MMS22L: variants seen among roughly 807,000 people sequenced by gnomAD.
MMS22L encodes protein MMS22-like.
In MMS22L, 74 loss-of-function variants were observed where a neutral mutation model predicts 159.1. The ratio of observed to expected loss-of-function variants is 0.47; its 90% confidence interval spans 0.39 to 0.56. The LOEUF is 0.56. MMS22L is among the 20% of genes least tolerant of loss of function. The pLI, the probability that MMS22L is intolerant of heterozygous loss-of-function variation, is 0.00. For synonymous variants in MMS22L, 517 were observed against 506.9 expected (o/e 1.02, Z -0.27); for missense variants, 1,351 against 1,422.1 (o/e 0.95, Z 0.80).
intron 14 of MMS22L, among the ~76,000 whole-genome samples, chr6:97,195,281 CA>C (rs1806370513): frequency 6.6e-6 from 1 of 152,094 alleles, no homozygotes; most frequent in Non-Finnish European, 1.5e-5. Flanking sequence ...GGCTGAAGCA[CA>C]ATGGGTGACA....
At chr6:97,231,750 T>C (rs1810898037) in intron 12 of MMS22L, 98 bp from the exon 13 acceptor site, 6 of 793,252 alleles carry the variant, frequency 7.6e-6, no homozygotes, top group African/African-American at 1.8e-5. Flanking sequence ...ATCAAAAGTC[T>C]GACTCATCTT....
At chr6:97,235,242 G>C (rs1236468740) in intron 11 of MMS22L, among the ~76,000 whole-genome samples, 3 of 152,122 alleles carry the variant, frequency 2.0e-5, no homozygotes, top group Admixed American at 2.0e-4. Flanking sequence ...ATGAAAGAAA[G>C]AAGTTTCAGG....
chr6:97,152,820 T>TA (rs397729582), intron 22 of MMS22L, among the ~76,000 whole-genome samples: 3,425 of 149,924 alleles, frequency 0.023, 105 homozygotes, highest in African/African-American at 0.068. Flanking sequence ...TTTTTTTTTT[T>TA]AAAAAAAATG....
chr6:97,267,941 G>A lies in MMS22L; in HGVS notation c.759C>T (p.Ser253=), dbSNP rs1040088419. The part of the protein sequence containing the change: ...NLASDNLTNI[S]LFEEHCETLL... ...GAGTTTCACAATGTTCTTCAAATAG[G>A]CTGATGTTGGTTAAATTGTCACTTG... The change falls in exon 8 of 25, where the codon AGC becomes AGT. Residue 253 remains serine (S), a synonymous_variant. Transcript: ENST00000683635. 5 of 1,608,282 alleles carry A rather than the reference G, an allele frequency of 3.1e-6. No homozygotes were observed. In the African/African-American group the frequency reaches 5.4e-5, roughly 17 times the overall value.
chr6:97,147,930 ATTT>A (rs1456097821), intron 24 of MMS22L, among the ~76,000 whole-genome samples: 1 of 152,216 alleles, frequency 6.6e-6, no homozygotes, highest in South Asian at 2.1e-4. Flanking sequence ...TTAATAAAAA[ATTT>A]TTGTCTAAAA....
chr6:97,171,919 G>A (rs769485337), intron 19 of MMS22L, among the ~76,000 whole-genome samples: 1 of 151,906 alleles, frequency 6.6e-6, no homozygotes, highest in African/African-American at 2.4e-5. Flanking sequence ...CAAATAAATG[G>A]GCAACACTGT....
rs140551344 is a variant in MMS22L at position 97,161,151 on chromosome 6, T to C, written c.3385+851A>G. Among the ~76,000 whole-genome samples the C allele has an allele frequency of 2.0e-3, 308 of 152,014 alleles. 1 individual carries two copies. Among genetic ancestry groups the C allele is most frequent in the African/African-American group, 6.9e-3 (287 of 41,504 alleles). On this transcript the variant is annotated intron_variant, in intron 22 of 24. Coordinates refer to ENST00000683635, the MANE Select transcript of MMS22L (RefSeq NM_001350599.2). ...ATGTCCTGTAATTTTTTGGTGAAAA[T>C]TGGGCTTTTTAAATAATGAAGTCCA...
chr6:97,249,907 C>T (rs1205927572), intron 10 of MMS22L, among the ~76,000 whole-genome samples: 1 of 152,072 alleles, frequency 6.6e-6, no homozygotes, highest in Admixed American at 6.6e-5. Context: ...TTCAATCATT[C>T]TGTGTTATCA....
intron 14 of MMS22L, among the ~76,000 whole-genome samples, chr6:97,225,232 T>TG (rs2127988701): frequency 6.6e-6 from 1 of 152,332 alleles, no homozygotes; most frequent in South Asian, 2.1e-4. Context: ...GGTGAATGAA[T>TG]GTGAAATAGA....
At chr6:97,213,794 G>C (rs1475075130) in intron 14 of MMS22L, among the ~76,000 whole-genome samples, 2 of 151,742 alleles carry the variant, frequency 1.3e-5, no homozygotes, top group African/African-American at 4.8e-5. Flanking sequence ...GAAATAGTGG[G>C]GTACCTATAC....
rs1422782864 is a variant in MMS22L at position 97,231,418 on chromosome 6, G to A, written c.1529+8C>T. The A allele has an allele frequency of 1.9e-6, 3 of 1,589,812 alleles. No individual in the cohort carries two copies. Among genetic ancestry groups the A allele is most frequent in the Non-Finnish European group, 2.6e-6 (3 of 1,158,636 alleles). ...GTGCACACTCATGACAGAAGATACT[G>A]CATATACCTTCCTTTGACTTGTTTC... On this transcript the variant is annotated splice_region_variant and intron_variant, in intron 13 of 24. Coordinates refer to ENST00000683635, the MANE Select transcript of MMS22L (RefSeq NM_001350599.2).
chr6:97,161,517 T>C lies in MMS22L; in HGVS notation c.3385+485A>G, dbSNP rs549615954. 4.6e-5 allele frequency among the ~76,000 whole-genome samples: 7 copies of C among 152,112 alleles called. No individual in the cohort carries two copies. The East Asian group carries it at 1.4e-3, about 30-fold the overall frequency. On this transcript the variant is annotated intron_variant, in intron 22 of 24. Coordinates refer to ENST00000683635, the MANE Select transcript of MMS22L (RefSeq NM_001350599.2). The stretch of plus-strand genomic sequence containing the variant: ...CATTATGCCAGGCCAATAAATGTTA[T>C]TTTAAAGCAATCACTGGAAGTAAGG...
chr6:97,260,768 TAA>T (rs924186052), intron 9 of MMS22L: 11 of 152,222 alleles, frequency 7.2e-5, no homozygotes, highest in Admixed American at 2.0e-4. Context: ...AGGATTAGCT[TAA>T]AAGATTCTTA....
intron 13 of MMS22L, 39 bp from the exon 14 acceptor site, chr6:97,229,442 A>G: frequency 7.2e-7 from 1 of 1,390,668 alleles, no homozygotes; most frequent in Non-Finnish European, 9.6e-7. Context: ...AAATTGTTTC[A>G]TTCACAAAAA....
In MMS22L at chr6:97,146,983, T is replaced by TTAAAAA; in HGVS notation, c.3651-97_3651-96insTTTTTA. ...ATTAAGTCTGCCCATCATCCATCCA[T>TTAAAAA]CCATCTATTCAGCCATCCATCCAGC... On this transcript the variant is annotated intron_variant, in intron 24 of 24. Transcript: ENST00000683635. 3.8e-6 allele frequency: 3 copies of TTAAAAA among 785,548 alleles called. No homozygotes were observed. The Admixed American group carries it at 8.9e-5, about 23-fold the overall frequency. The allele number at this position is 785,548 out of a possible 1,614,324, so 48.7% of individuals were successfully genotyped here.
intron 9 of MMS22L, among the ~76,000 whole-genome samples, chr6:97,262,631 G>A (rs1192050678): frequency 7.6e-6 from 1 of 132,310 alleles, no homozygotes; most frequent in Non-Finnish European, 1.5e-5. Flanking sequence ...GAGCACTCTA[G>A]CCTGAGCAAC....
chr6:97,247,525 C>A (rs925536433), intron 10 of MMS22L, among the ~76,000 whole-genome samples: 5 of 152,070 alleles, frequency 3.3e-5, no homozygotes, highest in African/African-American at 1.2e-4. Context: ...TGGAAACCAG[C>A]CTGGCTAACA....
chr6:97,151,832 C>A lies in MMS22L; in HGVS notation c.3421G>T (p.Val1141Leu). Reference protein sequence around the residue: ...RLATENLQYMVKACQVGSEEE... With the variant: ...RLATENLQYMLKACQVGSEEE... The stretch of plus-strand genomic sequence containing the variant: ...TCTGACCCCACTTGGCAGGCTTTTA[C>A]CATGTATTGCAGGTTCTCTGTGGCC... The change falls in exon 23 of 25, where the codon GTA (valine) becomes TTA (leucine). Residue 1141 changes from valine (V) to leucine (L), a missense_variant. Coordinates refer to ENST00000683635, the MANE Select transcript of MMS22L (RefSeq NM_001350599.2). 6.2e-7 allele frequency: 1 copy of A among 1,613,494 alleles called. No homozygotes were observed. Among genetic ancestry groups the A allele is most frequent in the Non-Finnish European group, 8.5e-7 (1 of 1,179,650 alleles).
intron 14 of MMS22L, among the ~76,000 whole-genome samples, chr6:97,224,774 T>C (rs1810043849): frequency 1.3e-5 from 2 of 151,946 alleles, no homozygotes; most frequent in Admixed American, 1.3e-4. Context: ...AGTTTTGGTT[T>C]AGTTATCTGT....
Sources: gnomAD v4.1 joint callset for allele counts (sites outside exome capture counted in the v4.1 genomes callset) on GRCh38, gnomAD v4.1.1 for gene constraint, MANE v1.5 for transcripts, NCBI Gene and HGNC (gene_info 2026-07-23, HGNC 2026-07-21) for gene names.